ERG: variants seen among roughly 807,000 people sequenced by gnomAD.
ERG encodes the protein ETS transcription factor ERG, also known as transcriptional regulator ERG.
ERG carries 9 observed loss-of-function variants against 55.3 expected under a neutral mutation model. That is an observed-to-expected ratio of 0.16 (90% CI 0.10 to 0.28). ERG has a LOEUF of 0.28. ERG is among the 10% of genes least tolerant of loss of function. The probability of loss-of-function intolerance (pLI) is 1.00; values close to 1 mark genes in which losing one functional copy is unlikely to be tolerated. For missense variants in ERG, 434 were observed against 631.6 expected, an observed-to-expected ratio of 0.69 and a Z score of 3.35; for synonymous variants, 223 against 237.3, an observed-to-expected ratio of 0.94 and a Z score of 0.55.
intron 2 of ERG, among the ~76,000 whole-genome samples, chr21:38,547,119 T>C (rs907164321): frequency 1.3e-5 from 2 of 152,190 alleles, no homozygotes; most frequent in African/African-American, 4.8e-5. Flanking sequence ...GAATGTCCCA[T>C]AGCCATTGGC....
intron 4 of ERG, among the ~76,000 whole-genome samples, chr21:38,403,297 A>G (rs1168572243): frequency 2.0e-5 from 3 of 152,142 alleles, no homozygotes; most frequent in Non-Finnish European, 4.4e-5. Flanking sequence ...GCTTCTCCTG[A>G]GAGCGCTGAC....
intron 1 of ERG, among the ~76,000 whole-genome samples, chr21:38,455,366 T>C (rs914144849): frequency 6.6e-6 from 1 of 152,070 alleles, no homozygotes; most frequent in Non-Finnish European, 1.5e-5. Flanking sequence ...GAAACTCAGG[T>C]GATTCAAGGC....
intron 2 of ERG, among the ~76,000 whole-genome samples, chr21:38,543,861 C>T (rs2059771086): frequency 6.6e-6 from 1 of 151,942 alleles, no homozygotes; most frequent in Non-Finnish European, 1.5e-5. Context: ...CTCAGCCTCC[C>T]AAGTAGCTGG....
At chr21:38,578,873 T>C (rs1344435206) in intron 1 of ERG, among the ~76,000 whole-genome samples, 1 of 152,112 alleles carries the variant, frequency 6.6e-6, no homozygotes, top group East Asian at 1.9e-4. Context: ...CACTTTGCAA[T>C]GTACAATCAG....
intron 2 of ERG, among the ~76,000 whole-genome samples, chr21:38,518,439 G>A (rs2059569660): frequency 6.6e-6 from 1 of 152,074 alleles, no homozygotes; most frequent in South Asian, 2.1e-4. Flanking sequence ...GAAAAGAAAG[G>A]AAAGTTCAGA....
chr21:38,537,441 A>AT (rs960890297), intron 2 of ERG, among the ~76,000 whole-genome samples: 928 of 52,192 alleles, frequency 0.018, 6 homozygotes, highest in African/African-American at 0.052. Flanking sequence ...CAGAAAAAAA[A>AT]ATATATATAT....
chr21:38,452,563 G>A (rs2058951838), intron 1 of ERG, among the ~76,000 whole-genome samples: 1 of 152,164 alleles, frequency 6.6e-6, no homozygotes, highest in African/African-American at 2.4e-5. Context: ...GAACGCTTTA[G>A]AGGACTTTCA....
chr21:38,454,328 T>C (rs1234578142), intron 1 of ERG, among the ~76,000 whole-genome samples: 1 of 152,210 alleles, frequency 6.6e-6, no homozygotes, highest in African/African-American at 2.4e-5. Flanking sequence ...CAAGCTGGGC[T>C]CTGCCCTTGC....
chr21:38,433,826 AAT>A (rs1216108438), intron 2 of ERG, among the ~76,000 whole-genome samples: 4 of 152,168 alleles, frequency 2.6e-5, no homozygotes, highest in African/African-American at 7.2e-5. Context: ...TGCGGAAATC[AAT>A]ATGTCTTCTT....
chr21:38,611,927 A>AG (rs1317999778), intron 1 of ERG, among the ~76,000 whole-genome samples: 2 of 141,786 alleles, frequency 1.4e-5, no homozygotes, highest in Non-Finnish European at 3.3e-5. Context: ...GCTGGGCAGG[A>AG]GGAAAAAAAG....
intron 4 of ERG, 99 bp from the exon 5 acceptor site, chr21:38,402,736 GAAAA>G (rs1988565654): frequency 6.9e-6 from 5 of 726,460 alleles, no homozygotes; most frequent in African/African-American, 4.3e-5. Flanking sequence ...AAAAAAGAAA[GAAAA>G]AGAAAGAAAG....
intron 9 of ERG, among the ~76,000 whole-genome samples, chr21:38,384,606 C>G (rs886431880): frequency 6.6e-6 from 1 of 152,008 alleles, no homozygotes; most frequent in African/African-American, 2.4e-5. Context: ...GCACAAAGTA[C>G]TGTTATGTGG....
rs1195473757 is a variant in ERG at position 38,383,122 on chromosome 21, G to A, written c.*281C>T. The A allele has an allele frequency of 5.1e-6, 6 of 1,169,596 alleles. No individual in the cohort carries two copies. In the East Asian group the frequency reaches 1.9e-4, roughly 37 times the overall value. 72.5% of individuals were successfully genotyped at this position (1,169,596 alleles called of 1,614,324 possible). A position where few individuals can be genotyped will look rare whatever the true frequency, so the allele number is the denominator to read the frequency against. On this transcript the variant is annotated 3_prime_UTR_variant, in exon 10 of 10. Transcript: ENST00000288319. This position sits in a 1 kb window ranked among gnomAD's most constrained non-coding sequence, Gnocchi z 5.7. ...TTAAGACCACTTTCTTTGGCACTTT[G>A]TCCTTAAGACTTCATGCTTCTACAT...
At chr21:38,652,165 C>A (rs1160824297) in intron 1 of ERG, among the ~76,000 whole-genome samples, 1 of 152,160 alleles carries the variant, frequency 6.6e-6, no homozygotes. Context: ...CACTGTGTGA[C>A]CCACTCCCAG....
intron 6 of ERG, among the ~76,000 whole-genome samples, chr21:38,397,941 C>T (rs560748888): frequency 9.9e-5 from 15 of 152,230 alleles, no homozygotes; most frequent in South Asian, 4.1e-4. Context: ...AGCACAATAA[C>T]GCTGACCAGA....
upstream of ERG, among the ~76,000 whole-genome samples, chr21:38,589,037 T>C (rs1331005418): frequency 6.6e-6 from 1 of 152,140 alleles, no homozygotes; most frequent in Non-Finnish European, 1.5e-5. Flanking sequence ...AGCAAAGGCA[T>C]TGTTAAATTC....
At chr21:38,452,527 C>T (rs2058951560) in intron 1 of ERG, among the ~76,000 whole-genome samples, 1 of 152,076 alleles carries the variant, frequency 6.6e-6, no homozygotes, top group African/African-American at 2.4e-5. Context: ...AGATGAAAAT[C>T]TTTATCCTTA....
intron 2 of ERG, among the ~76,000 whole-genome samples, chr21:38,545,067 A>G (rs2059779590): frequency 6.6e-6 from 1 of 152,146 alleles, no homozygotes; most frequent in South Asian, 2.1e-4. Flanking sequence ...CACAAATCTC[A>G]TAATTTTTAA....
intron 1 of ERG, among the ~76,000 whole-genome samples, chr21:38,486,273 A>AT (rs2059284796): frequency 1.3e-5 from 2 of 152,118 alleles, no homozygotes; most frequent in Admixed American, 1.3e-4. Context: ...ATTTTGATAC[A>AT]TAAAAACCAT....
Sources: allele counts gnomAD v4.1 joint callset (sites outside exome capture counted in the v4.1 genomes callset), GRCh38; gene constraint gnomAD v4.1.1; non-coding constraint Gnocchi (gnomAD v3.1); transcripts MANE v1.5; gene names NCBI Gene and HGNC (gene_info 2026-07-23, HGNC 2026-07-21).